The following TBC1D15 variants were observed in gnomAD, a reference collection of about 807,000 sequenced individuals.
TBC1D15 encodes GAP for RAB7.
TBC1D15 carries 39 observed loss-of-function variants against 95.4 expected under a neutral mutation model. That is an observed-to-expected ratio of 0.41 (90% CI 0.32 to 0.53). TBC1D15 has a LOEUF of 0.53. TBC1D15 is among the 20% of genes least tolerant of loss of function. TBC1D15 has a pLI of 0.29. For missense variants in TBC1D15, 733 were observed against 794.3 expected (o/e 0.92, Z 0.93); for synonymous variants, 258 against 261.3 (o/e 0.99, Z 0.12).
At chr12:71,872,425 C>T (rs1460462863) in intron 2 of TBC1D15, among the ~76,000 whole-genome samples, 1 of 152,152 alleles carries the variant, frequency 6.6e-6, no homozygotes, top group African/African-American at 2.4e-5. Context: ...ACTTACTGGA[C>T]ATCATAGCTT....
chr12:71,841,583 A>T (rs1344407094), intron 1 of TBC1D15, among the ~76,000 whole-genome samples: 4 of 152,194 alleles, frequency 2.6e-5, no homozygotes, highest in East Asian at 3.8e-4. Context: ...ATTCATTCCT[A>T]TAACACTCTC....
At chr12:71,856,732 T>G (rs1335097520) in intron 1 of TBC1D15, among the ~76,000 whole-genome samples, 1 of 152,196 alleles carries the variant, frequency 6.6e-6, no homozygotes, top group African/African-American at 2.4e-5. Flanking sequence ...CACTGGTAGT[T>G]GGTGAATACT....
At position 71,885,033 on chromosome 12, in the gene TBC1D15, A is replaced by G. The variant is rs376625945; in HGVS notation, c.554+12A>G. 95 of 1,610,828 alleles carry G rather than the reference A, an allele frequency of 5.9e-5. No individual in the cohort carries two copies. Among genetic ancestry groups the G allele is most frequent in the Non-Finnish European group, 7.4e-5 (87 of 1,178,094 alleles). Reference sequence around the variant, plus strand: ...GTGGTATTGTGTGAGTAAGTATCATATTATTTTCTACTTATTGAAACCAGA... The same window carrying G: ...GTGGTATTGTGTGAGTAAGTATCATGTTATTTTCTACTTATTGAAACCAGA... On this transcript the variant is annotated intron_variant, in intron 5 of 16. Coordinates refer to ENST00000485960, the MANE Select transcript of TBC1D15 (RefSeq NM_001146213.3).
chr12:71,877,620 C>G (rs1894241087), intron 3 of TBC1D15, among the ~76,000 whole-genome samples: 1 of 147,598 alleles, frequency 6.8e-6, no homozygotes, highest in Non-Finnish European at 1.5e-5. Context: ...CTAGGAAATT[C>G]ACTTTTCTAT....
At chr12:71,909,697 T>C (rs1901700005) in intron 11 of TBC1D15, among the ~76,000 whole-genome samples, 1 of 152,084 alleles carries the variant, frequency 6.6e-6, no homozygotes, top group African/African-American at 2.4e-5. Flanking sequence ...TGTAAGCAAG[T>C]GTACAGTAGG....
chr12:71,907,243 T>C, intron 11 of TBC1D15, 105 bp downstream of exon 11: 1 of 633,644 alleles, frequency 1.6e-6, no homozygotes, highest in South Asian at 2.7e-5. Context: ...AGGCCTAGTT[T>C]TAAGAGAATT....
chr12:71,841,196 G>C (rs1470655370), intron 1 of TBC1D15: 1 of 152,114 alleles, frequency 6.6e-6, no homozygotes, highest in Non-Finnish European at 1.5e-5. Flanking sequence ...CTTTTCAAGA[G>C]GGGATCCCTT....
intron 11 of TBC1D15, among the ~76,000 whole-genome samples, chr12:71,909,380 T>C (rs1901610023): frequency 6.6e-6 from 1 of 152,188 alleles, no homozygotes; most frequent in Non-Finnish European, 1.5e-5. Flanking sequence ...TGTATTTGCA[T>C]TGAATACAGT....
intron 1 of TBC1D15, among the ~76,000 whole-genome samples, chr12:71,848,882 T>C (rs1887013570): frequency 6.6e-6 from 1 of 152,208 alleles, no homozygotes; most frequent in Non-Finnish European, 1.5e-5. Flanking sequence ...CCTGAAATTA[T>C]ACTTTTCTTG....
chr12:71,874,737 C>T (rs11178974), intron 3 of TBC1D15, among the ~76,000 whole-genome samples: 5,594 of 150,574 alleles, frequency 0.037, 423 homozygotes, highest in East Asian at 0.28. Flanking sequence ...ATTCTCATGC[C>T]TCAGCCTTCC....
At chr12:71,865,647 C>A (rs1891325870) in intron 1 of TBC1D15, among the ~76,000 whole-genome samples, 1 of 152,108 alleles carries the variant, frequency 6.6e-6, no homozygotes, top group Non-Finnish European at 1.5e-5. Context: ...AGTATCTCAG[C>A]AGCTTAGACT....
rs898176745 is a variant in TBC1D15 at position 71,924,261 on chromosome 12, A to G, written c.*1057A>G. The G allele has an allele frequency of 6.6e-6, 1 of 152,606 alleles. No individual in the cohort carries two copies. Among genetic ancestry groups the G allele is most frequent in the African/African-American group, 2.4e-5 (1 of 41,440 alleles). The allele number at this position is 152,606 out of a possible 1,614,324, so 9.5% of individuals were successfully genotyped here. On this transcript the variant is annotated 3_prime_UTR_variant, in exon 17 of 17. Transcript: ENST00000485960. ...GAATTAACATAACTGATTTTGTTTTAATTGTAAGTTGTTAACTCCTGTATA... is the reference window on the plus strand; with the variant it reads ...GAATTAACATAACTGATTTTGTTTTGATTGTAAGTTGTTAACTCCTGTATA...
intron 3 of TBC1D15, among the ~76,000 whole-genome samples, chr12:71,876,474 T>C (rs1205202456): frequency 1.3e-5 from 2 of 152,192 alleles, no homozygotes; most frequent in African/African-American, 4.8e-5. Flanking sequence ...GATACTCTTA[T>C]CCCAGAGCCT....
At chr12:71,878,424 A>G (rs1243305763) in intron 3 of TBC1D15, among the ~76,000 whole-genome samples, 1 of 151,986 alleles carries the variant, frequency 6.6e-6, no homozygotes, top group East Asian at 1.9e-4. Flanking sequence ...AGAGAGAGAG[A>G]GAGAGAGGTG....
At chr12:71,891,255 C>T (rs1897157221) in intron 5 of TBC1D15, among the ~76,000 whole-genome samples, 2 of 152,120 alleles carry the variant, frequency 1.3e-5, no homozygotes, top group African/African-American at 2.4e-5. Context: ...TTGGGACAGG[C>T]TCACACCAAA....
In TBC1D15 at chr12:71,880,582, T is replaced by G. The variant is rs772433714; in HGVS notation, c.318T>G (p.Phe106Leu). 2.4e-5 allele frequency: 39 copies of G among 1,611,034 alleles called. No individual in the cohort carries two copies. Among genetic ancestry groups the G allele is most frequent in the Non-Finnish European group, 3.2e-5 (38 of 1,178,718 alleles). The change falls in exon 4 of 17, where the codon TTT becomes TTG. Residue 106 changes from phenylalanine (F) to leucine (L), a missense_variant. Coordinates refer to ENST00000485960, the MANE Select transcript of TBC1D15 (RefSeq NM_001146213.3). The part of the protein sequence containing the change: ...AEWDMVNTVS[F>L]KRKPHTNGDA... ...GGGACATGGTTAATACAGTTTCATT[T>G]AAAAGGAAACCACATACCAATGGAG...
At position 71,844,590 on chromosome 12, in the gene TBC1D15, C is replaced by T. The variant is rs934159556; in HGVS notation, c.30+4779C>T. ...GTAAGATAGCATTTATTAGGGCTTG[C>T]TGTGGCAGCCTGTTGGTACAATTAC... On this transcript the variant is annotated intron_variant, in intron 1 of 16. Coordinates refer to ENST00000485960, the MANE Select transcript of TBC1D15 (RefSeq NM_001146213.3). 2.6e-5 allele frequency among the ~76,000 whole-genome samples: 4 copies of T among 152,162 alleles called. No homozygotes were observed. The South Asian group carries it at 6.2e-4, about 24-fold the overall frequency.
At chr12:71,867,547 A>G (rs1195533252) in intron 1 of TBC1D15, among the ~76,000 whole-genome samples, 1 of 152,232 alleles carries the variant, frequency 6.6e-6, no homozygotes, top group Admixed American at 6.5e-5. Flanking sequence ...CTTATTCAAA[A>G]CTGGGGACCC....
intron 1 of TBC1D15, among the ~76,000 whole-genome samples, chr12:71,842,720 A>G (rs328768): frequency 0.023 from 3,486 of 151,574 alleles, 135 homozygotes; most frequent in African/African-American, 0.079. Context: ...TGTCCCAGCT[A>G]CTTGGGAGGC....
Sources: gnomAD v4.1 joint callset for allele counts (sites outside exome capture counted in the v4.1 genomes callset) on GRCh38, gnomAD v4.1.1 for gene constraint, MANE v1.5 for transcripts, NCBI Gene and HGNC (gene_info 2026-07-23, HGNC 2026-07-21) for gene names.